The following FHIT variants were observed in gnomAD, a reference collection of about 807,000 sequenced individuals.
FHIT encodes the protein bis(5'-adenosyl)-triphosphatase.
A neutral mutation model predicts 17.9 loss-of-function variants in FHIT; 19 were observed. That is an observed-to-expected ratio of 1.06 (90% CI 0.74 to 1.56). FHIT has a LOEUF of 1.56. Among genes scored for constraint, FHIT ranks in the 40% most tolerant of loss-of-function variants. FHIT has a pLI of 0.00. For missense variants in FHIT, 248 were observed against 189.2 expected, an observed-to-expected ratio of 1.31 and a Z score of -1.82; for synonymous variants, 81 against 69.7, an observed-to-expected ratio of 1.16 and a Z score of -0.81.
At chr3:60,758,631 C>T (rs1397363277) in intron 4 of FHIT, among the ~76,000 whole-genome samples, 1 of 152,158 alleles carries the variant, frequency 6.6e-6, no homozygotes, top group Non-Finnish European at 1.5e-5. Flanking sequence ...TGATTTCAGG[C>T]CAATTGTTAG....
chr3:60,026,026 G>A (rs973996164), intron 5 of FHIT, among the ~76,000 whole-genome samples: 5 of 151,918 alleles, frequency 3.3e-5, no homozygotes, highest in African/African-American at 9.7e-5. Context: ...TAAAGGGGGG[G>A]AAAGAAAAGT....
intron 1 of FHIT, among the ~76,000 whole-genome samples, chr3:61,241,139 A>C (rs902673517): frequency 6.6e-6 from 1 of 152,048 alleles, no homozygotes; most frequent in Non-Finnish European, 1.5e-5. Flanking sequence ...TACCTCTCCC[A>C]CACTCTCTGC....
intron 2 of FHIT, among the ~76,000 whole-genome samples, chr3:61,135,345 T>C (rs9845200): frequency 1.3e-5 from 2 of 152,058 alleles, no homozygotes; most frequent in South Asian, 2.1e-4. Flanking sequence ...CTCCTCTAGG[T>C]CAAGGGCATA....
intron 3 of FHIT, among the ~76,000 whole-genome samples, chr3:60,849,938 ACT>A (rs1553747753): frequency 6.6e-6 from 1 of 150,634 alleles, no homozygotes; most frequent in African/African-American, 2.4e-5. Flanking sequence ...AGTTGAAAAA[ACT>A]CTAATCTCTC....
chr3:60,776,003 C>G (rs1230120747), intron 4 of FHIT, among the ~76,000 whole-genome samples: 1 of 152,168 alleles, frequency 6.6e-6, no homozygotes, highest in Admixed American at 6.5e-5. Flanking sequence ...TTCCCCTTCT[C>G]TACCCCATCA....
At chr3:60,127,332 C>A (rs1246236408) in intron 5 of FHIT, among the ~76,000 whole-genome samples, 1 of 152,156 alleles carries the variant, frequency 6.6e-6, no homozygotes, top group South Asian at 2.1e-4. Context: ...ATCTAAATAG[C>A]AAATCATGTT....
At chr3:59,825,308 C>G (rs1300518875) in intron 8 of FHIT, among the ~76,000 whole-genome samples, 1 of 152,086 alleles carries the variant, frequency 6.6e-6, no homozygotes, top group African/African-American at 2.4e-5. Context: ...TTCGAGTATG[C>G]TTTTTTATGG....
At chr3:60,600,634 G>C (rs559513774) in intron 4 of FHIT, among the ~76,000 whole-genome samples, 2 of 152,070 alleles carry the variant, frequency 1.3e-5, no homozygotes, top group East Asian at 1.9e-4. Flanking sequence ...CACACACCCA[G>C]AAGCGGTACT....
intron 2 of FHIT, among the ~76,000 whole-genome samples, chr3:61,074,664 T>C (rs137874745): frequency 6.6e-6 from 1 of 152,144 alleles, no homozygotes; most frequent in African/African-American, 2.4e-5. Context: ...TGAGGCCTAA[T>C]GTCAATTACC....
chr3:60,635,812 T>C (rs930398912), intron 4 of FHIT, among the ~76,000 whole-genome samples: 9 of 152,146 alleles, frequency 5.9e-5, no homozygotes, highest in Non-Finnish European at 1.2e-4. Context: ...TGGCAAACTT[T>C]TCCCTTAAAC....
At chr3:60,962,103 A>G (rs149563853) in intron 3 of FHIT, among the ~76,000 whole-genome samples, 2,123 of 152,098 alleles carry the variant, frequency 0.014, 50 homozygotes, top group African/African-American at 0.048. Context: ...CTTTTATTTC[A>G]TTGAGCAGTG....
At chr3:60,186,842 C>G (rs182853645) in intron 5 of FHIT, among the ~76,000 whole-genome samples, 2 of 151,460 alleles carry the variant, frequency 1.3e-5, no homozygotes, top group East Asian at 1.9e-4. Context: ...ATACCACCAT[C>G]TTTTCATTTT....
chr3:60,854,449 C>A (rs1703288606), intron 3 of FHIT, among the ~76,000 whole-genome samples: 2 of 151,974 alleles, frequency 1.3e-5, no homozygotes, highest in South Asian at 4.1e-4. Context: ...TCCGGATATG[C>A]ATGTGTGCAT....
intron 3 of FHIT, among the ~76,000 whole-genome samples, chr3:61,025,470 C>T (rs944358895): frequency 7.9e-5 from 12 of 152,266 alleles, no homozygotes; most frequent in East Asian, 1.9e-4. Flanking sequence ...TTTTAGTTTG[C>T]TCTTACCCTT....
At position 60,491,228 on chromosome 3, in the gene FHIT, G is replaced by A. The variant is rs545153689; in HGVS notation, c.103+45632C>T. 2.0e-5 allele frequency among the ~76,000 whole-genome samples: 3 copies of A among 152,122 alleles called. No individual in the cohort carries two copies. The South Asian group carries it at 6.2e-4, about 32-fold the overall frequency. ...CTATTTACATTTCAAGAAAGAAATG[G>A]CAATAATTCATTAGCAAGACAAAAT... On this transcript the variant is annotated intron_variant, in intron 5 of 9. Coordinates refer to ENST00000492590, the MANE Select transcript of FHIT (RefSeq NM_002012.4).
intron 8 of FHIT, among the ~76,000 whole-genome samples, chr3:59,855,432 G>A (rs1397776511): frequency 6.6e-6 from 1 of 152,068 alleles, no homozygotes; most frequent in East Asian, 1.9e-4. Flanking sequence ...AATCTAAGCT[G>A]TTTTAAATTT....
At chr3:60,490,787 G>C (rs188706440) in intron 5 of FHIT, among the ~76,000 whole-genome samples, 1 of 151,996 alleles carries the variant, frequency 6.6e-6, no homozygotes, top group Non-Finnish European at 1.5e-5. Flanking sequence ...CCCTTCACAT[G>C]ATTTAACAAA....
Position 59,802,944 on chromosome 3 carries a change from T to A in FHIT, c.349-50623A>T, listed in dbSNP as rs149068369. 3.2e-3 allele frequency among the ~76,000 whole-genome samples: 486 copies of A among 152,304 alleles called. 2 individuals carry two copies. Among genetic ancestry groups the A allele is most frequent in the African/African-American group, 0.011 (456 of 41,560 alleles). On this transcript the variant is annotated intron_variant, in intron 8 of 9. Coordinates refer to ENST00000492590, the MANE Select transcript of FHIT (RefSeq NM_002012.4). ...GAACACTTTCTATCTTGAACTGTAG[T>A]GATACGGGTATACATCTTACCTATT...
At chr3:60,861,263 T>TATGA (rs1559782255) in intron 3 of FHIT, among the ~76,000 whole-genome samples, 1 of 97,420 alleles carries the variant, frequency 1.0e-5, no homozygotes, top group Non-Finnish European at 2.1e-5. Context: ...ATATGATATA[T>TATGA]CATATCATAT....
Sources: gnomAD v4.1 joint callset for allele counts (sites outside exome capture counted in the v4.1 genomes callset) on GRCh38, gnomAD v4.1.1 for gene constraint, MANE v1.5 for transcripts, NCBI Gene and HGNC (gene_info 2026-07-23, HGNC 2026-07-21) for gene names.